Variants in UST observed in about 807,000 individuals in gnomAD.
The protein encoded by UST is uronyl 2-sulfotransferase.
A neutral mutation model predicts 45.6 loss-of-function variants in UST; 21 were observed. The observed-to-expected ratio is 0.46, with a 90% CI of 0.33 to 0.66. The LOEUF is 0.66. Ranked by LOEUF, UST falls within the 30% of genes least tolerant of loss-of-function variation. UST has a pLI of 0.02. For missense variants in UST, 463 were observed against 512.4 expected, an observed-to-expected ratio of 0.90 and a Z score of 0.93; for synonymous variants, 215 against 200.6, an observed-to-expected ratio of 1.07 and a Z score of -0.61.
chr6:149,034,866 CTCTCTCTCTCTCT>C (rs1776218824), intron 7 of UST, among the ~76,000 whole-genome samples: 1 of 137,566 alleles, frequency 7.3e-6, no homozygotes, highest in South Asian at 2.3e-4. Flanking sequence ...CTCTCTCTCT[CTCTCTCTCTCTCT>C]CTCTCTCTCT....
chr6:148,889,465 G>T (rs974180478), intron 2 of UST, among the ~76,000 whole-genome samples: 1 of 152,122 alleles, frequency 6.6e-6, no homozygotes, highest in Non-Finnish European at 1.5e-5. Flanking sequence ...GAATGGTGCC[G>T]AAGGTCCTGG....
At chr6:148,879,183 T>G (rs1778779132) in intron 1 of UST, among the ~76,000 whole-genome samples, 1 of 152,182 alleles carries the variant, frequency 6.6e-6, no homozygotes, top group African/African-American at 2.4e-5. Flanking sequence ...CCTGGCCCTT[T>G]ACAATTTCCT....
chr6:148,964,353 T>A, intron 4 of UST, 57 bp from the exon 5 acceptor site: 1 of 1,598,038 alleles, frequency 6.3e-7, no homozygotes, highest in Non-Finnish European at 8.6e-7. Flanking sequence ...GTTGTCTAAG[T>A]AGGCCCTGTT....
chr6:148,908,951 C>G (rs1408958848), intron 2 of UST, among the ~76,000 whole-genome samples: 1 of 152,108 alleles, frequency 6.6e-6, no homozygotes, highest in African/African-American at 2.4e-5. Context: ...AAAAACATTT[C>G]AATAGTTTAC....
intron 1 of UST, among the ~76,000 whole-genome samples, 175 bp downstream of exon 1, chr6:148,747,852 C>T (rs1028766959): frequency 6.6e-6 from 1 of 152,168 alleles, no homozygotes; most frequent in Non-Finnish European, 1.5e-5. Context: ...TTCTTCCTCC[C>T]GCGCGTCCGA....
At chr6:148,805,696 T>G (rs957337678) in intron 1 of UST, among the ~76,000 whole-genome samples, 6 of 152,298 alleles carry the variant, frequency 3.9e-5, no homozygotes, top group Non-Finnish European at 8.8e-5. Flanking sequence ...GGCTTTAAAG[T>G]TTCATTTTCT....
At chr6:148,805,196 G>A (rs541283307) in intron 1 of UST, among the ~76,000 whole-genome samples, 4 of 152,268 alleles carry the variant, frequency 2.6e-5, no homozygotes, top group African/African-American at 9.6e-5. Context: ...TTTCACATTT[G>A]AAGGATATTC....
At chr6:148,951,690 GC>G (rs1780368416) in intron 3 of UST, among the ~76,000 whole-genome samples, 1 of 152,134 alleles carries the variant, frequency 6.6e-6, no homozygotes, top group Non-Finnish European at 1.5e-5. Context: ...ACTGCTTGTC[GC>G]CAAAAACAAG....
At chr6:148,925,757 G>A (rs1779802187) in intron 2 of UST, among the ~76,000 whole-genome samples, 1 of 152,230 alleles carries the variant, frequency 6.6e-6, no homozygotes, top group Admixed American at 6.5e-5. Flanking sequence ...TCACAACTAG[G>A]TCAAAAGTTG....
intron 1 of UST, among the ~76,000 whole-genome samples, chr6:148,878,877 C>G (rs1174671345): frequency 1.3e-5 from 2 of 151,830 alleles, no homozygotes; most frequent in Admixed American, 1.3e-4. Flanking sequence ...GTATGAGTGT[C>G]TCCAGGACTG....
At chr6:149,049,107 G>A (rs149426999) in intron 7 of UST, among the ~76,000 whole-genome samples, 54 of 152,214 alleles carry the variant, frequency 3.5e-4, no homozygotes, top group Middle Eastern at 6.8e-3. Context: ...TTAATTAAAT[G>A]TAAGTGATTC....
intron 1 of UST, among the ~76,000 whole-genome samples, chr6:148,808,367 C>T (rs1777190357): frequency 6.6e-6 from 1 of 152,138 alleles, no homozygotes. Flanking sequence ...ATACTTTTTA[C>T]CAGCATAAGA....
chr6:148,971,259 C>G (rs762361671), intron 5 of UST, among the ~76,000 whole-genome samples: 29 of 151,998 alleles, frequency 1.9e-4, no homozygotes, highest in Non-Finnish European at 4.1e-4. Flanking sequence ...ACTCATCCAC[C>G]AATCCATCCG....
At chr6:148,821,276 T>G (rs1333565891) in intron 1 of UST, among the ~76,000 whole-genome samples, 2 of 152,022 alleles carry the variant, frequency 1.3e-5, no homozygotes, top group Non-Finnish European at 2.9e-5. Context: ...TGGCTGTATT[T>G]TTTTTTTTAA....
Position 148,937,092 on chromosome 6 carries a change from G to A in UST, c.292-4187G>A, listed in dbSNP as rs1041121081. 3.3e-5 allele frequency among the ~76,000 whole-genome samples: 5 copies of A among 152,202 alleles called. No homozygotes were observed. The South Asian group carries it at 6.2e-4, about 19-fold the overall frequency. ...ACACATTGATTTAGCTGCTTAATTC[G>A]GCAAGTTTCAATGCATTACATAGGT... On this transcript the variant is annotated intron_variant, in intron 2 of 7. Coordinates refer to ENST00000367463, the MANE Select transcript of UST (RefSeq NM_005715.3).
At chr6:149,052,041 G>A (rs534770541) in intron 7 of UST, among the ~76,000 whole-genome samples, 8 of 152,326 alleles carry the variant, frequency 5.3e-5, no homozygotes, top group African/African-American at 1.9e-4. Context: ...CCTAATGAAT[G>A]TATAGGTGGG....
intron 5 of UST, among the ~76,000 whole-genome samples, chr6:148,992,019 G>A (rs1195327054): frequency 1.3e-5 from 2 of 152,102 alleles, no homozygotes; most frequent in African/African-American, 2.4e-5. Context: ...TTTTATTGTC[G>A]TAAGTATGGT....
In UST at chr6:148,788,116, G is replaced by A. The variant is rs569594855; in HGVS notation, c.247+40439G>A. 1.5e-3 allele frequency among the ~76,000 whole-genome samples: 231 copies of A among 152,186 alleles called. 1 individual carries two copies. Among genetic ancestry groups the A allele is most frequent in the Middle Eastern group, 0.014 (4 of 294 alleles). On this transcript the variant is annotated intron_variant, in intron 1 of 7. Coordinates refer to ENST00000367463, the MANE Select transcript of UST (RefSeq NM_005715.3). Reference sequence around the variant, plus strand: ...TGAAAGGCTCTTCTTACATTGCAGCGGCAAGAGAGAGAATGAGAGCCAAGC... The same window carrying A: ...TGAAAGGCTCTTCTTACATTGCAGCAGCAAGAGAGAGAATGAGAGCCAAGC...
chr6:148,978,848 A>G (rs566899469), intron 5 of UST, among the ~76,000 whole-genome samples: 1 of 152,032 alleles, frequency 6.6e-6, no homozygotes, highest in Non-Finnish European at 1.5e-5. Flanking sequence ...AATTTTTTTA[A>G]AAAAAAATTG....
Sources: allele counts gnomAD v4.1 joint callset (sites outside exome capture counted in the v4.1 genomes callset), GRCh38; gene constraint gnomAD v4.1.1; transcripts MANE v1.5; gene names NCBI Gene and HGNC (gene_info 2026-07-23, HGNC 2026-07-21).